PTPRS: variants seen among roughly 807,000 people sequenced by gnomAD.
PTPRS encodes the protein protein tyrosine phosphatase receptor type S.
In PTPRS, 63 loss-of-function variants were observed where a neutral mutation model predicts 215.3. That is an observed-to-expected ratio of 0.29 (90% CI 0.24 to 0.36). The LOEUF (loss-of-function observed/expected upper bound fraction) is 0.36, where lower values mean the gene tolerates loss of function less well. Ranked by LOEUF, PTPRS falls within the 10% of genes least tolerant of loss-of-function variation. The pLI, the probability that PTPRS is intolerant of heterozygous loss-of-function variation, is 1.00. For synonymous variants in PTPRS, 1,404 were observed against 1,191.4 expected (o/e 1.18, Z -3.68); for missense variants, 2,258 against 2,825.8 (o/e 0.80, Z 4.56).
chr19:5,227,714 T>C (rs976776398), intron 16 of PTPRS, among the ~76,000 whole-genome samples: 6 of 152,148 alleles, frequency 3.9e-5, no homozygotes, highest in Admixed American at 3.9e-4. Flanking sequence ...CCTGCCGATG[T>C]GTGTTTTGTT....
chr19:5,261,054 T>C (rs2045956074), intron 6 of PTPRS, among the ~76,000 whole-genome samples: 1 of 152,064 alleles, frequency 6.6e-6, no homozygotes, highest in Non-Finnish European at 1.5e-5. Flanking sequence ...GAGGGTTTCC[T>C]GTAGAAGGCG....
At chr19:5,234,152 GAAA>G (rs1271894042) in intron 13 of PTPRS, among the ~76,000 whole-genome samples, 1 of 146,920 alleles carries the variant, frequency 6.8e-6, no homozygotes, top group Non-Finnish European at 1.5e-5. Flanking sequence ...ATAATTTACG[GAAA>G]ATATGGTAAA....
intron 25 of PTPRS, 109 bp downstream of exon 25, chr19:5,218,311 A>C (rs185811620): frequency 2.3e-6 from 2 of 866,072 alleles, no homozygotes; most frequent in East Asian, 4.9e-5. Flanking sequence ...GGCTGCACCA[A>C]GCATAGTTCA....
intron 5 of PTPRS, among the ~76,000 whole-genome samples, chr19:5,264,461 A>G (rs1038566259): frequency 6.6e-6 from 1 of 152,144 alleles, no homozygotes; most frequent in East Asian, 1.9e-4. Context: ...CACTGCCGAT[A>G]CCCACCATCC....
At chr19:5,272,641 T>G (rs1280532552) in intron 4 of PTPRS, among the ~76,000 whole-genome samples, 1 of 103,494 alleles carries the variant, frequency 9.7e-6, no homozygotes, top group African/African-American at 3.5e-5. Context: ...AAAAAAAGAA[T>G]TGCACCTAAA....
intron 17 of PTPRS, among the ~76,000 whole-genome samples, chr19:5,224,957 G>A (rs887087147): frequency 2.6e-5 from 4 of 152,070 alleles, no homozygotes; most frequent in Non-Finnish European, 5.9e-5. Flanking sequence ...GAAGTCAGTC[G>A]ATTGTTCCTG....
intron 1 of PTPRS, among the ~76,000 whole-genome samples, chr19:5,323,586 T>A (rs987454192): frequency 2.6e-5 from 4 of 152,190 alleles, no homozygotes; most frequent in Non-Finnish European, 4.4e-5. Flanking sequence ...GCAAAGGCCC[T>A]GGGGCGGGAC....
Position 5,295,971 on chromosome 19 carries a change from G to C in PTPRS, c.-94-9737C>G, listed in dbSNP as rs1187222093. ...GGATCTCCCCATGTTGCCCCGACTGGTCTCGAACTCCTAGACTCAAGTGAA... is the reference window on the plus strand; with the variant it reads ...GGATCTCCCCATGTTGCCCCGACTGCTCTCGAACTCCTAGACTCAAGTGAA... On this transcript the variant is annotated intron_variant, in intron 1 of 37. Coordinates refer to ENST00000262963, the MANE Select transcript of PTPRS (RefSeq NM_002850.4). This position sits in a 1 kb window ranked among gnomAD's most constrained non-coding sequence, Gnocchi z 4.6. 6.6e-6 allele frequency among the ~76,000 whole-genome samples: 1 copy of C among 152,064 alleles called. No homozygotes were observed. Among genetic ancestry groups the C allele is most frequent in the Non-Finnish European group, 1.5e-5 (1 of 68,010 alleles).
chr19:5,297,076 G>T (rs1427934360), intron 1 of PTPRS, among the ~76,000 whole-genome samples: 7 of 145,924 alleles, frequency 4.8e-5, no homozygotes, highest in Non-Finnish European at 9.4e-5. Flanking sequence ...GCCACCTCCA[G>T]GAAGCCCTCC....
At chr19:5,208,080 A>G (rs1568356122) in intron 36 of PTPRS, 23 bp from the exon 37 acceptor site, 1 of 1,604,918 alleles carries the variant, frequency 6.2e-7, no homozygotes. Flanking sequence ...AAGTGAGCAC[A>G]GCCATTCAGG....
chr19:5,278,930 C>T (rs1346581506), intron 2 of PTPRS, among the ~76,000 whole-genome samples: 1 of 151,922 alleles, frequency 6.6e-6, no homozygotes, highest in Non-Finnish European at 1.5e-5. Flanking sequence ...GTGGCTCATA[C>T]CTGTAATCCC....
In PTPRS at chr19:5,223,275, C is replaced by A. The variant is rs371849563; in HGVS notation, c.2517G>T (p.Ser839=). The change falls in exon 18 of 38, where the codon TCG becomes TCT. Residue 839 remains serine, a synonymous_variant. Transcript: ENST00000262963. ...KGAVLGRPTL[S]VQQTPEGSLL... Reference sequence around the variant, plus strand: ...GGCTGCCCTCGGGGGTCTGCTGCACCGACAGGGTTGGGCGGCCCAGCACTG... The same window carrying A: ...GGCTGCCCTCGGGGGTCTGCTGCACAGACAGGGTTGGGCGGCCCAGCACTG... The A allele has an allele frequency of 2.7e-6, 4 of 1,467,830 alleles. No individual in the cohort carries two copies. The highest frequency in any genetic ancestry group is 3.6e-6 in the Non-Finnish European group (4 of 1,115,150). 90.9% of individuals were successfully genotyped at this position (1,467,830 alleles called of 1,614,324 possible).
At chr19:5,301,079 G>A (rs1438828203) in intron 1 of PTPRS, among the ~76,000 whole-genome samples, 2 of 152,192 alleles carry the variant, frequency 1.3e-5, no homozygotes, top group East Asian at 1.9e-4. Context: ...CTCCCTGGCT[G>A]GCCAGCAAAG....
rs75720755 is a variant in PTPRS at position 5,298,357 on chromosome 19, C to A, written c.-94-12123G>T. ...CCTTTAAACCTTCCCTGATGGGGAA[C>A]CCTCAGATAAAACCATACCCTTGAC... On this transcript the variant is annotated intron_variant, in intron 1 of 37. Transcript: ENST00000262963. 7.0e-3 allele frequency among the ~76,000 whole-genome samples: 1,070 copies of A among 152,294 alleles called. 15 individuals are homozygous for A. Among genetic ancestry groups the A allele is most frequent in the African/African-American group, 0.024 (1,018 of 41,558 alleles).
rs370307369 is a variant in PTPRS at position 5,210,649 on chromosome 19, C to T, written c.5361+30G>A. On this transcript the variant is annotated intron_variant, in intron 34 of 37. Coordinates refer to ENST00000262963, the MANE Select transcript of PTPRS (RefSeq NM_002850.4). This position sits in a 1 kb window ranked among gnomAD's most constrained non-coding sequence, Gnocchi z 4.5. ...GCTGTCTGAGCCACAGTCTGGCCCT[C>T]GCCCTTCCCTGCTGTGGCCCCTAGC... 74 of 1,613,968 alleles carry T rather than the reference C, an allele frequency of 4.6e-5. No homozygotes were observed. The highest frequency in any genetic ancestry group is 1.6e-4 in the Middle Eastern group (1 of 6,084).
intron 26 of PTPRS, among the ~76,000 whole-genome samples, 184 bp from the exon 27 acceptor site, chr19:5,215,779 G>C (rs2041381690): frequency 1.3e-5 from 2 of 152,102 alleles, no homozygotes; most frequent in Admixed American, 6.5e-5. Flanking sequence ...GGGACCCCAG[G>C]CCTAGGGGAC....
At chr19:5,225,547 G>A (rs186870819) in intron 17 of PTPRS, among the ~76,000 whole-genome samples, 180 bp downstream of exon 17, 1 of 151,984 alleles carries the variant, frequency 6.6e-6, no homozygotes, top group African/African-American at 2.4e-5. Context: ...GCAGGGGCGG[G>A]GGGGGCCAAG....
chr19:5,223,359 G>A, intron 17 of PTPRS, 62 bp from the exon 18 acceptor site: 1 of 1,394,990 alleles, frequency 7.2e-7, no homozygotes, highest in Non-Finnish European at 9.2e-7. Flanking sequence ...GAGGCACAAG[G>A]TGGGGTTGTA....
rs1450264131 is a variant in PTPRS, at chr19:5,244,170, T to C, written c.1301A>G (p.Gln434Arg). The change falls in exon 11 of 38, where the codon CAA becomes CGA. Residue 434 changes from glutamine (Q) to arginine (R), a missense_variant. Coordinates refer to ENST00000262963, the MANE Select transcript of PTPRS (RefSeq NM_002850.4). The surrounding 1 kb of genome is among the most constrained non-coding windows in gnomAD (Gnocchi z 7.2). ...GGTGGTCGCGCTGAGCATCCGGGCT[T>C]GCACGTTCCGCGGCGCGCTGGCCGG... ...QAPASAPRNVQARMLSATTMI... is the reference protein window; with the variant it reads ...QAPASAPRNVRARMLSATTMI... 6.2e-7 allele frequency: 1 copy of C among 1,600,386 alleles called. No homozygotes were observed. The highest frequency in any genetic ancestry group is 1.3e-5 in the African/African-American group (1 of 74,818).
Sources: gnomAD v4.1 joint callset for allele counts (sites outside exome capture counted in the v4.1 genomes callset) on GRCh38, gnomAD v4.1.1 for gene constraint, Gnocchi (gnomAD v3.1) non-coding constraint, MANE v1.5 for transcripts, NCBI Gene and HGNC (gene_info 2026-07-23, HGNC 2026-07-21) for gene names.